PLOD1: variants seen among roughly 807,000 people sequenced by gnomAD.
The protein encoded by PLOD1 is lysine hydroxylase.
Under a neutral mutation model 94.7 loss-of-function variants are expected in PLOD1, and 70 were observed. The ratio of observed to expected loss-of-function variants is 0.74; its 90% CI spans 0.61 to 0.90. The LOEUF (loss-of-function observed/expected upper bound fraction) is 0.90, where lower values mean the gene tolerates loss of function less well. Among genes scored for constraint, PLOD1 ranks in the 40% least tolerant of loss-of-function variants. The pLI is 0.00. For missense variants in PLOD1, 905 were observed against 972.7 expected (o/e 0.93, Z 0.93); for synonymous variants, 417 against 400.2 (o/e 1.04, Z -0.50).
At chr1:11,944,223 ACT>A (rs1253833321) in intron 1 of PLOD1, among the ~76,000 whole-genome samples, 2 of 150,938 alleles carry the variant, frequency 1.3e-5, no homozygotes, top group East Asian at 3.9e-4. Flanking sequence ...ACAGAGCGAG[ACT>A]CTGTCTCAAA....
intron 18 of PLOD1, among the ~76,000 whole-genome samples, chr1:11,973,391 C>T (rs576379944): frequency 1.3e-5 from 2 of 151,812 alleles, no homozygotes; most frequent in South Asian, 4.2e-4. Flanking sequence ...TCTTAGCTAC[C>T]CAGAAGGCTG....
chr1:11,949,774 C>T lies in PLOD1; in HGVS notation c.170C>T (p.Ala57Val), dbSNP rs753862253. Residue 57 changes from alanine to valine, a missense_variant and splice_region_variant, in exon 3 of 19, where the codon GCG becomes GTG. Coordinates refer to ENST00000196061, the MANE Select transcript of PLOD1 (RefSeq NM_000302.4). Reference protein sequence around the residue: ...SAQFFNYKIQALGLGEDWNVE... With the variant: ...SAQFFNYKIQVLGLGEDWNVE... ...GTGTTAAGGGGTGTTTCTCTCCAGG[C>T]GCTTGGCCTAGGGGAGGACTGGAAT... 3 of 1,613,766 alleles carry T rather than the reference C, an allele frequency of 1.9e-6. No individual in the cohort carries two copies. Among genetic ancestry groups the T allele is most frequent in the African/African-American group, 1.3e-5 (1 of 74,890 alleles).
At chr1:11,968,691 T>C (rs1350326283) in intron 16 of PLOD1, among the ~76,000 whole-genome samples, 1 of 151,414 alleles carries the variant, frequency 6.6e-6, no homozygotes, top group African/African-American at 2.4e-5. Context: ...TTTTTGTATA[T>C]TTAGTAGAGA....
intron 14 of PLOD1, 55 bp downstream of exon 14, chr1:11,965,648 C>A (rs1645812116): frequency 3.8e-6 from 4 of 1,061,156 alleles, no homozygotes; most frequent in Non-Finnish European, 4.4e-6. Context: ...AGTGATCCTG[C>A]AGTCGGAGGG....
intron 17 of PLOD1, 125 bp downstream of exon 17, chr1:11,970,941 G>A: frequency 1.6e-6 from 1 of 621,466 alleles, no homozygotes; most frequent in Middle Eastern, 4.2e-4. Flanking sequence ...TGGAGTGAGG[G>A]TGTGGGGAGC....
In PLOD1 at chr1:11,965,525, C is replaced by T. The variant is rs1374717198; in HGVS notation, c.1516C>T (p.Leu506Phe). The T allele has an allele frequency of 9.3e-6, 15 of 1,613,684 alleles. No homozygotes were observed. The highest frequency in any genetic ancestry group is 1.3e-5 in the Non-Finnish European group (15 of 1,179,934). Residue 506 changes from leucine (L) to phenylalanine (F), a missense_variant, in exon 14 of 19, where the codon CTC becomes TTC. Physicochemically the swap from Leu to Phe is conservative, Grantham distance 22 (BLOSUM62 0). Transcript: ENST00000196061. Reference protein sequence around the residue: ...LTNRHTLGHLLSLDSYRTTHL... With the variant: ...LTNRHTLGHLFSLDSYRTTHL... ...CAACCGGCACACCCTTGGCCATCTG[C>T]TCTCCCTAGACAGCTACCGCACCAC...
Position 11,967,217 on chromosome 1 carries a change from T to C in PLOD1, c.1755+126T>C, listed in dbSNP as rs960639364. On this transcript the variant is annotated intron_variant, in intron 16 of 18. Coordinates refer to ENST00000196061, the MANE Select transcript of PLOD1 (RefSeq NM_000302.4). Reference sequence around the variant, plus strand: ...TCTGGGACTCTTGACATAGGGGTGCTGGCATGGGTATCTGCAGGCAGGTAG... The same window carrying C: ...TCTGGGACTCTTGACATAGGGGTGCCGGCATGGGTATCTGCAGGCAGGTAG... 4.3e-6 allele frequency: 3 copies of C among 691,950 alleles called. No individual in the cohort carries two copies. The Admixed American group carries it at 6.3e-5, about 14-fold the overall frequency. 42.9% of individuals were successfully genotyped at this position (691,950 alleles called of 1,614,324 possible). A position where few individuals can be genotyped will look rare whatever the true frequency, so the allele number is the denominator to read the frequency against.
chr1:11,945,569 AC>A (rs1645647694), intron 1 of PLOD1, among the ~76,000 whole-genome samples: 1 of 151,178 alleles, frequency 6.6e-6, no homozygotes, highest in Non-Finnish European at 1.5e-5. Context: ...GCAAGGAGAG[AC>A]CCCCTCCAGT....
In PLOD1 at chr1:11,972,735, A is replaced by C; in HGVS notation, c.1903-137A>C. On this transcript the variant is annotated intron_variant, in intron 17 of 18. Transcript: ENST00000196061. The surrounding 1 kb of genome is among the most constrained non-coding windows in gnomAD (Gnocchi z 4.6). Reference sequence around the variant, plus strand: ...CAGGTAGTTGCAGGCACTCGAGCATAGAGCCCCATGTAGACCTGGCCCCTG... The same window carrying C: ...CAGGTAGTTGCAGGCACTCGAGCATCGAGCCCCATGTAGACCTGGCCCCTG... The C allele has an allele frequency of 1.1e-6, 1 of 878,482 alleles. No homozygotes were observed. The highest frequency in any genetic ancestry group is 1.9e-6 in the Non-Finnish European group (1 of 521,426). The allele number at this position is 878,482 out of a possible 1,614,324, so 54.4% of individuals were successfully genotyped here.
Position 11,952,588 on chromosome 1 carries a change from G to A in PLOD1, c.467-35G>A, listed in dbSNP as rs183509111. The A allele has an allele frequency of 5.2e-4, 777 of 1,481,730 alleles. 2 individuals carry two copies. In the African/African-American group the frequency reaches 6.4e-3, roughly 12 times the overall value. 91.8% of individuals were successfully genotyped at this position (1,481,730 alleles called of 1,614,324 possible). Reference sequence around the variant, plus strand: ...CCTGACTTAGAGGCTGGAAGCTAAGGGTCCGTCTTGGTGTCCCCACCCACC... The same window carrying A: ...CCTGACTTAGAGGCTGGAAGCTAAGAGTCCGTCTTGGTGTCCCCACCCACC... On this transcript the variant is annotated intron_variant, in intron 4 of 18. Coordinates refer to ENST00000196061, the MANE Select transcript of PLOD1 (RefSeq NM_000302.4).
Position 11,959,937 on chromosome 1 carries a change from T to G in PLOD1, c.976-709T>G, listed in dbSNP as rs571880151. Among the ~76,000 whole-genome samples the G allele has an allele frequency of 2.7e-5, 4 of 149,954 alleles. No individual in the cohort carries two copies. In the East Asian group the frequency reaches 7.9e-4, roughly 29 times the overall value. On this transcript the variant is annotated intron_variant, in intron 9 of 18. Coordinates refer to ENST00000196061, the MANE Select transcript of PLOD1 (RefSeq NM_000302.4). ...AGCTGGATGGTTGTTTTTCCTTTTT[T>G]TTTTTTTTTTGAGATGGAGTCTTGC...
chr1:11,966,061 A>G (rs1356339742), intron 14 of PLOD1, among the ~76,000 whole-genome samples, 190 bp from the exon 15 acceptor site: 1 of 152,092 alleles, frequency 6.6e-6, no homozygotes, highest in Non-Finnish European at 1.5e-5. Flanking sequence ...ATGTACATAC[A>G]TGTGCAAACA....
Position 11,957,922 on chromosome 1 carries a change from G to A in PLOD1, c.822G>A (p.Leu274=). The A allele has an allele frequency of 6.2e-7, 1 of 1,613,476 alleles. No individual in the cohort carries two copies. The highest frequency in any genetic ancestry group is 1.3e-5 in the African/African-American group (1 of 75,020). Residue 274 remains leucine (L), a synonymous_variant, in exon 8 of 19, where the codon TTG becomes TTA. Transcript: ENST00000196061. This position sits in a 1 kb window ranked among gnomAD's most constrained non-coding sequence, Gnocchi z 4.1. ...GCTGCACCGTGTGTGACGAAGGCTT[G>A]CGCAGCCTCAAGGGCATTGGGGTGA... is the stretch of plus-strand genomic sequence containing the variant. The part of the protein sequence containing the change: ...ETGCTVCDEG[L]RSLKGIGDEA...
intron 5 of PLOD1, 92 bp from the exon 6 acceptor site, chr1:11,954,738 C>T: frequency 1.0e-6 from 1 of 993,652 alleles, no homozygotes; most frequent in Non-Finnish European, 1.6e-6. Context: ...GAGGGCTGAA[C>T]TTGGGGACAG....
chr1:11,966,180 G>A lies in PLOD1; in HGVS notation c.1585-71G>A, dbSNP rs949710691. The A allele has an allele frequency of 2.0e-5, 22 of 1,116,862 alleles. No individual in the cohort carries two copies. The African/African-American group carries it at 3.4e-4, about 17-fold the overall frequency. The allele number at this position is 1,116,862 out of a possible 1,614,324, so 69.2% of individuals were successfully genotyped here. ...CGTACACCTTCACTCCCACTTTGAGGGGTCTGCTCTGAGCATCCCTGGCAG... is the reference window on the plus strand; with the variant it reads ...CGTACACCTTCACTCCCACTTTGAGAGGTCTGCTCTGAGCATCCCTGGCAG... On this transcript the variant is annotated intron_variant, in intron 14 of 18. Coordinates refer to ENST00000196061, the MANE Select transcript of PLOD1 (RefSeq NM_000302.4).
At position 11,963,682 on chromosome 1, in the gene PLOD1, G is replaced by C. The variant is rs1352364102; in HGVS notation, c.1202+46G>C. 7.7e-7 allele frequency: 1 copy of C among 1,302,568 alleles called. No homozygotes were observed. The highest frequency in any genetic ancestry group is 1.1e-6 in the Non-Finnish European group (1 of 916,162). The allele number at this position is 1,302,568 out of a possible 1,614,324, so 80.7% of individuals were successfully genotyped here. On this transcript the variant is annotated intron_variant, in intron 11 of 18. Transcript: ENST00000196061. The surrounding 1 kb of genome is among the most constrained non-coding windows in gnomAD (Gnocchi z 4.3). ...CCCAGCACTGCTCAGGACTGGCCTG[G>C]TCCTGGGGTGGCAGCCCTCCTTGCC...
intron 6 of PLOD1, among the ~76,000 whole-genome samples, chr1:11,956,424 A>G: frequency 6.6e-6 from 1 of 152,150 alleles, no homozygotes; most frequent in East Asian, 1.9e-4. Flanking sequence ...AAACATGAGT[A>G]TTGGAACCCT....
rs1467501598 is a variant in PLOD1, at chr1:11,958,490, C to T, written c.844-26C>T. ...AGTGCTGTGACTGGACACTGCTGGA[C>T]TCTTGTGCCGCCCTCCCTGGTGCAG... is the stretch of plus-strand genomic sequence containing the variant. On this transcript the variant is annotated intron_variant, in intron 8 of 18. Coordinates refer to ENST00000196061, the MANE Select transcript of PLOD1 (RefSeq NM_000302.4). The surrounding 1 kb of genome is among the most constrained non-coding windows in gnomAD (Gnocchi z 4.3). 1.2e-6 allele frequency: 2 copies of T among 1,612,546 alleles called. No individual in the cohort carries two copies. Among genetic ancestry groups the T allele is most frequent in the Non-Finnish European group, 1.7e-6 (2 of 1,179,560 alleles).
chr1:11,964,888 C>T, intron 13 of PLOD1, 103 bp downstream of exon 13: 4 of 1,250,666 alleles, frequency 3.2e-6, no homozygotes, highest in Non-Finnish European at 3.5e-6. Flanking sequence ...TCACCGTAGG[C>T]CTGGGAGCTC....
Sources: gnomAD v4.1 joint callset for allele counts (sites outside exome capture counted in the v4.1 genomes callset) on GRCh38, gnomAD v4.1.1 for gene constraint, Gnocchi (gnomAD v3.1) non-coding constraint, MANE v1.5 for transcripts, NCBI Gene and HGNC (gene_info 2026-07-23, HGNC 2026-07-21) for gene names.